The following CRYBG3 variants were observed in gnomAD, a reference collection of about 807,000 sequenced individuals.
CRYBG3 encodes very large A-kinase anchor protein.
A neutral mutation model predicts 244.2 loss-of-function variants in CRYBG3; 127 were observed. That is an observed-to-expected ratio of 0.52 (90% CI 0.45 to 0.60). The LOEUF is 0.60. CRYBG3 is among the 20% of genes least tolerant of loss of function. The pLI is 0.00. For synonymous variants in CRYBG3, 1,132 were observed against 1,195.8 expected (o/e 0.95, Z 1.10); for missense variants, 3,325 against 3,442.5 (o/e 0.97, Z 0.85).
intron 15 of CRYBG3, among the ~76,000 whole-genome samples, chr3:97,901,007 G>T (rs555845919): frequency 1.3e-5 from 2 of 152,222 alleles, no homozygotes; most frequent in African/African-American, 4.8e-5. Context: ...TCTATTGAGG[G>T]CTAGAAATTG....
Position 97,943,211 on chromosome 3 carries a change from G to T in CRYBG3, c.8825-15G>T. 6.9e-7 allele frequency: 1 copy of T among 1,456,100 alleles called. No individual in the cohort carries two copies. The highest frequency in any genetic ancestry group is 1.2e-5 in the South Asian group (1 of 83,774). The allele number at this position is 1,456,100 out of a possible 1,614,324, so 90.2% of individuals were successfully genotyped here. A position where few individuals can be genotyped will look rare whatever the true frequency, so the allele number is the denominator to read the frequency against. ...CCTGAACAAATAATCTTTTCTTTTG[G>T]AATTTCTATTTTAGGAGGAAATTAT... On this transcript the variant is annotated splice_polypyrimidine_tract_variant and intron_variant, in intron 21 of 21. Coordinates refer to ENST00000389622, the MANE Select transcript of CRYBG3 (RefSeq NM_153605.4).
chr3:97,925,025 G>A (rs936692691), intron 17 of CRYBG3, among the ~76,000 whole-genome samples: 1 of 152,024 alleles, frequency 6.6e-6, no homozygotes, highest in African/African-American at 2.4e-5. Context: ...GCTGGGTGTG[G>A]TGGCTCACAT....
intron 2 of CRYBG3, among the ~76,000 whole-genome samples, chr3:97,858,347 C>G (rs1239967170): frequency 6.6e-6 from 1 of 151,918 alleles, no homozygotes; most frequent in Non-Finnish European, 1.5e-5. Flanking sequence ...GATAGTATGA[C>G]TATAATGTGC....
chr3:97,887,576 A>AC (rs1231015640), intron 8 of CRYBG3, among the ~76,000 whole-genome samples: 2 of 152,008 alleles, frequency 1.3e-5, no homozygotes, highest in Non-Finnish European at 2.9e-5. Context: ...ACATGGAGAA[A>AC]CCCCATCTCT....
At chr3:97,861,318 C>T (rs942961635) in intron 2 of CRYBG3, among the ~76,000 whole-genome samples, 1 of 152,160 alleles carries the variant, frequency 6.6e-6, no homozygotes, top group Non-Finnish European at 1.5e-5. Flanking sequence ...CATCCCCACT[C>T]GTTAATTATG....
Position 97,892,895 on chromosome 3 carries a change from G to C in CRYBG3, c.7476G>C (p.Gln2492His), listed in dbSNP as rs752520452. 3 of 1,558,598 alleles carry C rather than the reference G, an allele frequency of 1.9e-6. No individual in the cohort carries two copies. The highest frequency in any genetic ancestry group is 2.6e-6 in the Non-Finnish European group (3 of 1,140,214). The change falls in exon 11 of 22, where the codon CAG becomes CAC. Residue 2492 changes from glutamine to histidine, a missense_variant. This residue lies in a region of CRYBG3 where 714 missense variants were observed against 803.6 expected (regional missense o/e 0.89). Coordinates refer to ENST00000389622, the MANE Select transcript of CRYBG3 (RefSeq NM_153605.4). ...ATGAAAAACCTCACTTCCATGGACA[G>C]GCTAAAGAGTTTAGTGAACATATAG... ...IIYEKPHFHG[Q>H]AKEFSEHIDS... is the part of the protein sequence containing the mutation.
intron 1 of CRYBG3, 74 bp downstream of exon 1, chr3:97,822,429 G>A (rs2038515381): frequency 3.0e-6 from 4 of 1,331,522 alleles, no homozygotes; most frequent in Middle Eastern, 2.7e-4. Context: ...CCTGACCGCC[G>A]GCAGCGGGCC....
rs1405147578 is a variant in CRYBG3 at position 97,933,790 on chromosome 3, G to T, written c.8338G>T (p.Asp2780Tyr). 10 of 1,612,974 alleles carry T rather than the reference G, an allele frequency of 6.2e-6. No homozygotes were observed. The South Asian group carries it at 9.9e-5, about 16-fold the overall frequency. Residue 2780 changes from aspartate (D) to tyrosine (Y), a missense_variant, in exon 18 of 22, where the codon GAC becomes TAC. Asp to Tyr is a radical substitution (Grantham distance 160). Coordinates refer to ENST00000389622, the MANE Select transcript of CRYBG3 (RefSeq NM_153605.4). ...EEAVNSVLNK[D>Y]LHFYTQSVWV... The stretch of plus-strand genomic sequence containing the variant: ...GGCTGTGAACTCTGTTCTGAACAAG[G>T]ACCTACACTTCTACACCCAGTCTGT...
intron 15 of CRYBG3, among the ~76,000 whole-genome samples, chr3:97,901,694 A>G (rs949328451): frequency 3.3e-5 from 5 of 152,150 alleles, no homozygotes; most frequent in African/African-American, 1.2e-4. Context: ...ACATTTTTTG[A>G]GTTCTAAGTA....
At chr3:97,852,205 G>T (rs2038996876) in intron 2 of CRYBG3, among the ~76,000 whole-genome samples, 1 of 152,160 alleles carries the variant, frequency 6.6e-6, no homozygotes, top group Non-Finnish European at 1.5e-5. Context: ...GCTGGAAATT[G>T]GAGAAGCATG....
In CRYBG3 at chr3:97,879,799, T is replaced by G. The variant is rs760803765; in HGVS notation, c.6888+51T>G. On this transcript the variant is annotated intron_variant, in intron 5 of 21. Transcript: ENST00000389622. ...ATAAAGGTTAAACATTAGGTAACTT[T>G]CAGGCTTGAGGAATTTAATATAAGT... 9 of 1,362,792 alleles carry G rather than the reference T, an allele frequency of 6.6e-6. No individual in the cohort carries two copies. The South Asian group carries it at 1.0e-4, about 16-fold the overall frequency. The allele number at this position is 1,362,792 out of a possible 1,614,324, so 84.4% of individuals were successfully genotyped here.
chr3:97,916,885 G>A (rs528815610), intron 17 of CRYBG3, among the ~76,000 whole-genome samples: 1 of 151,944 alleles, frequency 6.6e-6, no homozygotes, highest in Admixed American at 6.6e-5. Flanking sequence ...AGGAAAAATG[G>A]TTTAAAAAAA....
chr3:97,848,468 A>T (rs948398282), intron 2 of CRYBG3, among the ~76,000 whole-genome samples: 4 of 151,590 alleles, frequency 2.6e-5, no homozygotes, highest in African/African-American at 9.7e-5. Context: ...CTCTCGGCTA[A>T]TTTTTTGTAT....
chr3:97,856,281 A>G (rs1238965001), intron 2 of CRYBG3, among the ~76,000 whole-genome samples: 1 of 152,172 alleles, frequency 6.6e-6, no homozygotes, highest in Admixed American at 6.5e-5. Flanking sequence ...TTGCCTGAAC[A>G]ATTGCTGTTA....
At chr3:97,927,682 C>G (rs2040054312) in intron 17 of CRYBG3, among the ~76,000 whole-genome samples, 1 of 151,928 alleles carries the variant, frequency 6.6e-6, no homozygotes, top group Non-Finnish European at 1.5e-5. Flanking sequence ...GTCTAATATC[C>G]AGAATCTAAA....
chr3:97,935,889 CAAAAT>C (rs2040158736), intron 18 of CRYBG3, among the ~76,000 whole-genome samples: 1 of 152,048 alleles, frequency 6.6e-6, no homozygotes, highest in Non-Finnish European at 1.5e-5. Flanking sequence ...GGTGCTTTAT[CAAAAT>C]AAAGCAAGGC....
chr3:97,919,178 A>G (rs2039958154), intron 17 of CRYBG3, among the ~76,000 whole-genome samples: 1 of 152,132 alleles, frequency 6.6e-6, no homozygotes, highest in South Asian at 2.1e-4. Context: ...ATTTTTAGTG[A>G]CAGTCTGGAG....
At chr3:97,932,031 C>T (rs939507637) in intron 17 of CRYBG3, among the ~76,000 whole-genome samples, 13 of 151,982 alleles carry the variant, frequency 8.6e-5, no homozygotes, top group Non-Finnish European at 1.8e-4. Flanking sequence ...AATAAATATT[C>T]CCATGGTTCA....
At chr3:97,911,310 G>A (rs1307537965) in intron 15 of CRYBG3, among the ~76,000 whole-genome samples, 1 of 152,122 alleles carries the variant, frequency 6.6e-6, no homozygotes, top group African/African-American at 2.4e-5. Flanking sequence ...GGGCCATGTT[G>A]TTCCAAGTCT....
Sources: allele counts gnomAD v4.1 joint callset (sites outside exome capture counted in the v4.1 genomes callset), GRCh38; gene constraint gnomAD v4.1.1; regional missense constraint gnomAD v4.1.1; transcripts MANE v1.5; gene names NCBI Gene and HGNC (gene_info 2026-07-23, HGNC 2026-07-21).